The following ARMH3 variants were observed in gnomAD, a reference collection of about 807,000 sequenced individuals.
ARMH3 encodes armadillo like helical domain containing 3.
A neutral mutation model predicts 99.1 loss-of-function variants in ARMH3; 60 were observed. The ratio of observed to expected loss-of-function variants is 0.61; its 90% CI spans 0.49 to 0.75. The LOEUF (loss-of-function observed/expected upper bound fraction) is 0.75, where lower values mean the gene tolerates loss of function less well. Among genes scored for constraint, ARMH3 ranks in the 30% least tolerant of loss-of-function variants. The pLI is 0.00. For missense variants in ARMH3, 679 were observed against 843.1 expected, an observed-to-expected ratio of 0.81 and a Z score of 2.41; for synonymous variants, 285 against 292.8, an observed-to-expected ratio of 0.97 and a Z score of 0.27.
At chr10:101,907,101 C>T (rs7914530) in intron 23 of ARMH3, among the ~76,000 whole-genome samples, 31,163 of 152,098 alleles carry the variant, frequency 0.2, 3,549 homozygotes, top group East Asian at 0.52. Flanking sequence ...CAAACTGGTG[C>T]TTTAAATGTC....
At chr10:101,937,599 C>A (rs1009237633) in intron 23 of ARMH3, among the ~76,000 whole-genome samples, 9 of 151,486 alleles carry the variant, frequency 5.9e-5, no homozygotes, top group Non-Finnish European at 1.2e-4. Flanking sequence ...GGGCCTTCCA[C>A]AATATACAAC....
chr10:101,947,838 G>C (rs532914371), intron 22 of ARMH3, among the ~76,000 whole-genome samples: 2 of 138,408 alleles, frequency 1.4e-5, no homozygotes, highest in Admixed American at 7.1e-5. Flanking sequence ...TAAATAAATA[G>C]ACCCTATATA....
chr10:101,849,415 TAGG>T (rs1238081466), intron 25 of ARMH3, among the ~76,000 whole-genome samples: 1 of 152,114 alleles, frequency 6.6e-6, no homozygotes, highest in East Asian at 1.9e-4. Flanking sequence ...AGCGGCCAGT[TAGG>T]AGTTTAGGAA....
chr10:101,895,086 G>GA (rs966071065), intron 23 of ARMH3, among the ~76,000 whole-genome samples: 1 of 152,006 alleles, frequency 6.6e-6, no homozygotes, highest in African/African-American at 2.4e-5. Flanking sequence ...ATTATGAAAA[G>GA]ATTAAGGTTT....
chr10:102,035,147 C>T (rs899347161), intron 2 of ARMH3, among the ~76,000 whole-genome samples: 3 of 151,908 alleles, frequency 2.0e-5, no homozygotes, highest in South Asian at 2.1e-4. Flanking sequence ...GAGTCCGAGG[C>T]GCCCGGATCA....
At chr10:101,939,808 A>G in intron 23 of ARMH3, 55 bp downstream of exon 23, 1 of 1,480,244 alleles carries the variant, frequency 6.8e-7, no homozygotes, top group Non-Finnish European at 9.4e-7. Context: ...AGAAAGGTAC[A>G]ATAAACCTCA....
chr10:101,851,946 C>A (rs987603206), intron 24 of ARMH3, among the ~76,000 whole-genome samples: 1 of 152,166 alleles, frequency 6.6e-6, no homozygotes, highest in African/African-American at 2.4e-5. Flanking sequence ...CTCTCATGCA[C>A]GTGGGCTGCA....
intron 24 of ARMH3, among the ~76,000 whole-genome samples, chr10:101,888,391 G>A (rs1347214357): frequency 6.6e-6 from 1 of 152,144 alleles, no homozygotes; most frequent in African/African-American, 2.4e-5. Flanking sequence ...TATGTCAAAG[G>A]GAACAACTGA....
chr10:102,005,168 G>C (rs990208866), intron 14 of ARMH3, among the ~76,000 whole-genome samples: 6 of 152,146 alleles, frequency 3.9e-5, no homozygotes, highest in African/African-American at 1.4e-4. Context: ...CTGCACTCCA[G>C]CCTAGGCAAC....
At chr10:101,928,015 A>C (rs1032738317) in intron 23 of ARMH3, among the ~76,000 whole-genome samples, 1 of 152,250 alleles carries the variant, frequency 6.6e-6, no homozygotes, top group Non-Finnish European at 1.5e-5. Flanking sequence ...CAGAGGTCGC[A>C]GTGAGCCAAG....
chr10:101,882,181 C>A lies in ARMH3; in HGVS notation c.1860+7231G>T, dbSNP rs78728362. Among the ~76,000 whole-genome samples the A allele has an allele frequency of 3.4e-3, 521 of 152,270 alleles. 1 individual carries two copies. The highest frequency in any genetic ancestry group is 4.9e-3 in the Admixed American group (75 of 15,294). Reference sequence around the variant, plus strand: ...AATGGGCCAATAATTTACTTGCTTTCCAGTGGGATATTTCAAAGGCATAAA... The same window carrying A: ...AATGGGCCAATAATTTACTTGCTTTACAGTGGGATATTTCAAAGGCATAAA... On this transcript the variant is annotated intron_variant, in intron 24 of 25. Transcript: ENST00000370033.
At chr10:101,858,246 A>G (rs1399891878) in intron 24 of ARMH3, among the ~76,000 whole-genome samples, 1 of 152,238 alleles carries the variant, frequency 6.6e-6, no homozygotes, top group Non-Finnish European at 1.5e-5. Flanking sequence ...GTAGCTAGTG[A>G]TAGTCAAGAT....
intron 6 of ARMH3, among the ~76,000 whole-genome samples, chr10:102,023,969 C>T (rs138194855): frequency 8.6e-4 from 131 of 152,266 alleles, no homozygotes; most frequent in African/African-American, 3.1e-3. Context: ...TTGAACTCCT[C>T]ATTGTTTCTC....
chr10:102,023,941 T>A (rs1255298309), intron 6 of ARMH3, among the ~76,000 whole-genome samples, 192 bp from the exon 7 acceptor site: 4 of 152,162 alleles, frequency 2.6e-5, no homozygotes, highest in Non-Finnish European at 5.9e-5. Flanking sequence ...AATCAGCAAG[T>A]TAAAACTTCC....
chr10:101,987,287 C>T lies in ARMH3; in HGVS notation c.1406+3264G>A, dbSNP rs536685064. Among the ~76,000 whole-genome samples, 6 of 152,282 alleles carry T rather than the reference C, an allele frequency of 3.9e-5. No homozygotes were observed. In the East Asian group the frequency reaches 1.2e-3, roughly 29 times the overall value. On this transcript the variant is annotated intron_variant, in intron 19 of 25. Transcript: ENST00000370033. Reference sequence around the variant, plus strand: ...ATTTTCTAGCCTCCAAGCACCTAAACATGCTGGTCCCCTACGTGGTATGTC... The same window carrying T: ...ATTTTCTAGCCTCCAAGCACCTAAATATGCTGGTCCCCTACGTGGTATGTC...
chr10:101,908,689 G>C (rs929521044), intron 23 of ARMH3, among the ~76,000 whole-genome samples: 1 of 146,590 alleles, frequency 6.8e-6, no homozygotes, highest in Non-Finnish European at 1.5e-5. Context: ...TTGAGACAGA[G>C]TTTCGCTCTT....
At chr10:102,018,989 T>C (rs939584333) in intron 8 of ARMH3, among the ~76,000 whole-genome samples, 3 of 152,238 alleles carry the variant, frequency 2.0e-5, no homozygotes, top group Admixed American at 1.3e-4. Context: ...CAATCATGTA[T>C]AGTACCTACT....
intron 22 of ARMH3, among the ~76,000 whole-genome samples, chr10:101,942,165 G>A (rs1844269576): frequency 6.6e-6 from 1 of 151,938 alleles, no homozygotes; most frequent in Admixed American, 6.6e-5. Context: ...TTCCCTAAAA[G>A]CCTCAAACTA....
At chr10:102,011,568 G>T (rs1050327160) in intron 11 of ARMH3, among the ~76,000 whole-genome samples, 155 bp downstream of exon 11, 1 of 151,696 alleles carries the variant, frequency 6.6e-6, no homozygotes, top group Non-Finnish European at 1.5e-5. Flanking sequence ...CTCAGTAAAG[G>T]AAATACACTC....
Sources: allele counts gnomAD v4.1 joint callset (sites outside exome capture counted in the v4.1 genomes callset), GRCh38; gene constraint gnomAD v4.1.1; transcripts MANE v1.5; gene names NCBI Gene and HGNC (gene_info 2026-07-23, HGNC 2026-07-21).